The following ZNF423 variants were observed in gnomAD, a reference collection of about 807,000 sequenced individuals.
ZNF423 encodes the protein zinc finger protein 423, also known as Ebf-associated zinc finger protein.
ZNF423 carries 12 observed loss-of-function variants against 95.8 expected under a neutral mutation model. The ratio of observed to expected loss-of-function variants is 0.13; its 90% CI spans 0.08 to 0.20. The LOEUF (loss-of-function observed/expected upper bound fraction) is 0.20. Among genes scored for constraint, ZNF423 ranks in the 10% least tolerant of loss-of-function variants. The pLI is 1.00. For missense variants in ZNF423, 1,316 were observed against 1,737.1 expected (o/e 0.76, Z 4.31); for synonymous variants, 749 against 711.9 (o/e 1.05, Z -0.83).
intron 3 of ZNF423, among the ~76,000 whole-genome samples, chr16:49,701,361 C>A (rs529421713): frequency 6.6e-6 from 1 of 152,302 alleles, no homozygotes; most frequent in South Asian, 2.1e-4. Context: ...ATATTTCCTA[C>A]GCTGATGGCC....
chr16:49,552,944 T>G (rs1156827627), intron 5 of ZNF423, among the ~76,000 whole-genome samples: 2 of 152,110 alleles, frequency 1.3e-5, no homozygotes, highest in Non-Finnish European at 2.9e-5. Flanking sequence ...CCAGCATTTA[T>G]GGTGCAAGCA....
chr16:49,734,187 G>C (rs2033232581), intron 2 of ZNF423, among the ~76,000 whole-genome samples: 1 of 152,222 alleles, frequency 6.6e-6, no homozygotes, highest in South Asian at 2.1e-4. Context: ...CGGTTGCTCA[G>C]TAAGTCCTGG....
chr16:49,803,047 G>A (rs998156400), intron 1 of ZNF423, among the ~76,000 whole-genome samples: 1 of 152,074 alleles, frequency 6.6e-6, no homozygotes, highest in Non-Finnish European at 1.5e-5. Flanking sequence ...TTGAGGCCAG[G>A]AGTTCGAGAC....
chr16:49,668,849 C>T (rs1486206687), intron 3 of ZNF423, among the ~76,000 whole-genome samples: 1 of 152,138 alleles, frequency 6.6e-6, no homozygotes, highest in Non-Finnish European at 1.5e-5. Flanking sequence ...GCTGTGTGAC[C>T]TGGGACAAGT....
intron 7 of ZNF423, among the ~76,000 whole-genome samples, chr16:49,491,542 CTTTTT>C (rs35641691): frequency 9.0e-5 from 10 of 111,222 alleles, no homozygotes; most frequent in Non-Finnish European, 1.4e-4. Context: ...TGTTTTTTGG[CTTTTT>C]TTTTTTTTTT....
chr16:49,834,955 T>A (rs183077974), intron 1 of ZNF423, among the ~76,000 whole-genome samples: 8 of 150,920 alleles, frequency 5.3e-5, no homozygotes, highest in Non-Finnish European at 1.0e-4. Context: ...GGAAGATGCC[T>A]GGAAAAGCAA....
At chr16:49,852,273 C>A (rs567514683) in intron 1 of ZNF423, among the ~76,000 whole-genome samples, 1 of 151,970 alleles carries the variant, frequency 6.6e-6, no homozygotes, top group Non-Finnish European at 1.5e-5. Flanking sequence ...ATAGCCTGAG[C>A]GCTAATTAAT....
chr16:49,520,342 C>T (rs148355628), intron 7 of ZNF423, among the ~76,000 whole-genome samples: 148 of 152,322 alleles, frequency 9.7e-4, no homozygotes, highest in Middle Eastern at 3.4e-3. Flanking sequence ...CAGAGCCCTC[C>T]GAACTTGGAA....
At chr16:49,672,785 T>C (rs1179036239) in intron 3 of ZNF423, among the ~76,000 whole-genome samples, 1 of 151,998 alleles carries the variant, frequency 6.6e-6, no homozygotes, top group African/African-American at 2.4e-5. Flanking sequence ...GTCATTACAC[T>C]CCAGTCTGGG....
At chr16:49,733,121 T>C (rs377152146) in intron 2 of ZNF423, among the ~76,000 whole-genome samples, 1 of 152,178 alleles carries the variant, frequency 6.6e-6, no homozygotes, top group South Asian at 2.1e-4. Context: ...GAAATATCAT[T>C]TGGAGCCTTC....
At chr16:49,815,875 AAAAAAAAT>A (rs2034831826) in intron 1 of ZNF423, among the ~76,000 whole-genome samples, 1 of 62,132 alleles carries the variant, frequency 1.6e-5, no homozygotes, top group African/African-American at 7.8e-5. Flanking sequence ...ACAAACAAAA[AAAAAAAAT>A]ATATATATAT....
chr16:49,817,947 C>T (rs935593105), intron 1 of ZNF423, among the ~76,000 whole-genome samples: 1 of 152,132 alleles, frequency 6.6e-6, no homozygotes, highest in Non-Finnish European at 1.5e-5. Flanking sequence ...TGCTCCATCT[C>T]TTCGCTCCAA....
intron 3 of ZNF423, among the ~76,000 whole-genome samples, chr16:49,654,191 C>G (rs570193607): frequency 6.6e-6 from 1 of 152,164 alleles, no homozygotes; most frequent in Non-Finnish European, 1.5e-5. Flanking sequence ...AGATGTATAC[C>G]GAGCATGCCT....
At chr16:49,559,887 G>T (rs766734595) in intron 5 of ZNF423, among the ~76,000 whole-genome samples, 2 of 152,098 alleles carry the variant, frequency 1.3e-5, no homozygotes, top group East Asian at 3.9e-4. Context: ...AGGTGCAAAC[G>T]GTACCACTGC....
chr16:49,736,710 G>A (rs912978769), intron 2 of ZNF423, among the ~76,000 whole-genome samples: 16 of 152,154 alleles, frequency 1.1e-4, no homozygotes, highest in Non-Finnish European at 1.8e-4. Context: ...CAGGAGGATC[G>A]TTTCAGCCCA....
At chr16:49,611,622 G>T (rs1333976483) in intron 5 of ZNF423, among the ~76,000 whole-genome samples, 1 of 151,842 alleles carries the variant, frequency 6.6e-6, no homozygotes, top group Admixed American at 6.6e-5. Flanking sequence ...CAAGCAGAAT[G>T]CAGAAAATAA....
At chr16:49,538,969 T>C (rs1173018370) in intron 5 of ZNF423, among the ~76,000 whole-genome samples, 12 of 152,218 alleles carry the variant, frequency 7.9e-5, no homozygotes, top group Admixed American at 7.2e-4. Context: ...ACTTTTCTGG[T>C]ATTTCTTACA....
chr16:49,532,332 C>T (rs1968877795), intron 5 of ZNF423, among the ~76,000 whole-genome samples: 1 of 152,208 alleles, frequency 6.6e-6, no homozygotes, highest in Non-Finnish European at 1.5e-5. Flanking sequence ...GTCCTCCTCA[C>T]TCAAGACCGC....
At chr16:49,820,586 C>G (rs1043041123) in intron 1 of ZNF423, among the ~76,000 whole-genome samples, 6 of 152,202 alleles carry the variant, frequency 3.9e-5, no homozygotes, top group African/African-American at 1.2e-4. Flanking sequence ...AATTTTTGCT[C>G]TAAAATAGAT....
Sources: gnomAD v4.1 joint callset for allele counts (sites outside exome capture counted in the v4.1 genomes callset) on GRCh38, gnomAD v4.1.1 for gene constraint, MANE v1.5 for transcripts, NCBI Gene and HGNC (gene_info 2026-07-23, HGNC 2026-07-21) for gene names.